The following WDR47 variants were observed in gnomAD, a reference collection of about 807,000 sequenced individuals.
WDR47 encodes the protein WD repeat domain 47, also known as WD repeat-containing protein 47.
In WDR47, 32 loss-of-function variants were observed where a neutral mutation model predicts 97.2. The observed-to-expected ratio is 0.33, with a 90% CI of 0.25 to 0.44. The LOEUF is 0.44. Ranked by LOEUF, WDR47 falls within the 20% of genes least tolerant of loss-of-function variation. The probability of loss-of-function intolerance (pLI) is 1.00; values close to 1 mark genes in which losing one functional copy is unlikely to be tolerated. For missense variants in WDR47, 782 were observed against 1,102.3 expected (o/e 0.71, Z 4.11); for synonymous variants, 375 against 373.5 (o/e 1.00, Z -0.05).
intron 2 of WDR47, among the ~76,000 whole-genome samples, chr1:109,020,475 G>A (rs1462756505): frequency 6.6e-6 from 1 of 152,028 alleles, no homozygotes; most frequent in Non-Finnish European, 1.5e-5. Flanking sequence ...CATTAGCCAG[G>A]ATGGTCTCGA....
At chr1:108,990,662 C>CT (rs991775370) in intron 9 of WDR47, among the ~76,000 whole-genome samples, 11 of 151,790 alleles carry the variant, frequency 7.2e-5, no homozygotes, top group Non-Finnish European at 1.5e-4. Flanking sequence ...AAATTAACAC[C>CT]TTTGTTTATG....
At chr1:109,014,091 TA>T (rs980085600) in intron 3 of WDR47, among the ~76,000 whole-genome samples, 166 bp from the exon 4 acceptor site, 3 of 152,212 alleles carry the variant, frequency 2.0e-5, no homozygotes, top group African/African-American at 7.2e-5. Context: ...AATCACAATT[TA>T]ACACTCAGAG....
intron 8 of WDR47, among the ~76,000 whole-genome samples, chr1:108,994,554 G>C (rs1659612114): frequency 6.6e-6 from 1 of 151,956 alleles, no homozygotes; most frequent in Non-Finnish European, 1.5e-5. Flanking sequence ...GACCAGCCTA[G>C]GCAACATAGT....
At chr1:109,030,861 G>A (rs957037309) in intron 1 of WDR47, among the ~76,000 whole-genome samples, 1 of 137,476 alleles carries the variant, frequency 7.3e-6, no homozygotes, top group African/African-American at 2.6e-5. Context: ...TAAATGTCCA[G>A]ACCTGCAGGA....
intron 1 of WDR47, among the ~76,000 whole-genome samples, chr1:109,035,500 T>A (rs1390107655): frequency 2.2e-5 from 3 of 135,506 alleles, no homozygotes; most frequent in South Asian, 2.3e-4. Context: ...AATTTTTAAA[T>A]TTTTTTTTTT....
intron 5 of WDR47, among the ~76,000 whole-genome samples, chr1:109,009,010 G>A (rs998698352): frequency 2.2e-4 from 33 of 151,960 alleles, no homozygotes; most frequent in Non-Finnish European, 4.0e-4. Flanking sequence ...GCTTGAACCC[G>A]GGAGGCAGAG....
At chr1:109,016,687 G>C (rs971601375) in intron 3 of WDR47, among the ~76,000 whole-genome samples, 1 of 152,080 alleles carries the variant, frequency 6.6e-6, no homozygotes, top group African/African-American at 2.4e-5. Context: ...ATAACTGCCT[G>C]TATGAAAATC....
intron 2 of WDR47, among the ~76,000 whole-genome samples, chr1:109,018,968 C>G (rs1661621955): frequency 6.6e-6 from 1 of 152,080 alleles, no homozygotes; most frequent in East Asian, 1.9e-4. Flanking sequence ...ATTCAGAAGG[C>G]TGAGGTGGGA....
chr1:109,036,981 T>C (rs1044273516), intron 1 of WDR47, among the ~76,000 whole-genome samples: 2 of 152,078 alleles, frequency 1.3e-5, no homozygotes, highest in Non-Finnish European at 2.9e-5. Context: ...CATCTATTTG[T>C]GAAATGCTGT....
chr1:109,005,254 A>G (rs566591296), intron 5 of WDR47, among the ~76,000 whole-genome samples: 27 of 152,152 alleles, frequency 1.8e-4, no homozygotes, highest in Non-Finnish European at 3.4e-4. Context: ...AAAATAAAAT[A>G]AAATAAAAAA....
At chr1:109,035,811 A>C (rs947590466) in intron 1 of WDR47, among the ~76,000 whole-genome samples, 6 of 150,278 alleles carry the variant, frequency 4.0e-5, no homozygotes, top group Non-Finnish European at 4.4e-5. Context: ...TTAATTTTGT[A>C]TCTTCTTTTT....
At chr1:108,997,973 A>G (rs1361082563) in intron 7 of WDR47, among the ~76,000 whole-genome samples, 2 of 152,084 alleles carry the variant, frequency 1.3e-5, no homozygotes, top group Non-Finnish European at 2.9e-5. Context: ...TTGTTTATTT[A>G]TATTTTTAGG....
chr1:109,001,233 G>A (rs1408483227), intron 7 of WDR47, among the ~76,000 whole-genome samples: 1 of 152,102 alleles, frequency 6.6e-6, no homozygotes, highest in African/African-American at 2.4e-5. Context: ...AGGTTGCAGT[G>A]AGCGAAGATC....
At chr1:109,020,153 T>G (rs1204306563) in intron 2 of WDR47, among the ~76,000 whole-genome samples, 1 of 151,942 alleles carries the variant, frequency 6.6e-6, no homozygotes, top group Non-Finnish European at 1.5e-5. Flanking sequence ...ATAATCATTT[T>G]ATAAAGGTGC....
chr1:108,990,245 G>T (rs766502024), intron 9 of WDR47, among the ~76,000 whole-genome samples: 2 of 151,762 alleles, frequency 1.3e-5, no homozygotes, highest in Non-Finnish European at 2.9e-5. Context: ...GTCTTGCTCT[G>T]TCCCCCAGGC....
chr1:108,999,720 A>G (rs1201593092), intron 7 of WDR47, among the ~76,000 whole-genome samples: 1 of 152,026 alleles, frequency 6.6e-6, no homozygotes. Flanking sequence ...ATGATTGTCT[A>G]TAAAGGAAAG....
At chr1:108,989,540 CTGTT>C (rs775524452) in intron 9 of WDR47, among the ~76,000 whole-genome samples, 2 of 152,240 alleles carry the variant, frequency 1.3e-5, no homozygotes, top group African/African-American at 4.8e-5. Flanking sequence ...GGGAATGTGA[CTGTT>C]TGCAAAATTA....
chr1:109,015,064 C>T (rs1661316731), intron 3 of WDR47, among the ~76,000 whole-genome samples: 1 of 152,006 alleles, frequency 6.6e-6, no homozygotes, highest in South Asian at 2.1e-4. Flanking sequence ...AAAGACATAA[C>T]AACTGACTCT....
In WDR47 at chr1:109,004,606, G is replaced by C. The variant is rs762808280; in HGVS notation, c.1240C>G (p.Gln414Glu). ...NGAQNPGPAK[Q>E]EKNELRDSTE... ...GTAAATATTACCTCATTTTTTTCTT[G>C]TTTAGCTGGTCCTGGATTCTGTGCT... The change falls in exon 6 of 15, where the codon CAA (glutamine) becomes GAA (glutamate). Residue 414 changes from glutamine (Q) to glutamate (E), a missense_variant. By Grantham distance (29) the Gln-to-Glu change is conservative (BLOSUM62 2). This residue lies in a region of WDR47 where 428 missense variants were observed against 584.3 expected (regional missense o/e 0.73). Transcript: ENST00000369962. 2.1e-5 allele frequency: 33 copies of C among 1,606,700 alleles called. No individual in the cohort carries two copies. Among genetic ancestry groups the C allele is most frequent in the Non-Finnish European group, 2.7e-5 (32 of 1,177,668 alleles).
Sources: gnomAD v4.1 joint callset for allele counts (sites outside exome capture counted in the v4.1 genomes callset) on GRCh38, gnomAD v4.1.1 for gene constraint, gnomAD v4.1.1 regional missense constraint, MANE v1.5 for transcripts, NCBI Gene and HGNC (gene_info 2026-07-23, HGNC 2026-07-21) for gene names.